Variants in FHIT observed in about 807,000 individuals in gnomAD.
FHIT encodes bis(5'-adenosyl)-triphosphatase.
In FHIT, 19 loss-of-function variants were observed where a neutral mutation model predicts 17.9. The ratio of observed to expected loss-of-function variants is 1.06; its 90% confidence interval spans 0.74 to 1.56. The LOEUF (loss-of-function observed/expected upper bound fraction) is 1.56. Among genes scored for constraint, FHIT ranks in the 40% most tolerant of loss-of-function variants. The pLI, the probability that FHIT is intolerant of heterozygous loss-of-function variation, is 0.00. For missense variants in FHIT, 248 were observed against 189.2 expected (o/e 1.31, Z -1.82); for synonymous variants, 81 against 69.7 (o/e 1.16, Z -0.81).
Position 59,826,852 on chromosome 3 carries a change from A to G in FHIT, c.349-74531T>C, listed in dbSNP as rs117079107. On this transcript the variant is annotated intron_variant, in intron 8 of 9. Coordinates refer to ENST00000492590, the MANE Select transcript of FHIT (RefSeq NM_002012.4). The stretch of plus-strand genomic sequence containing the variant: ...TGATAATTACTGCAAGTCTTAGAAT[A>G]AAACCATTTTTTTACACTGTGTTTC... Among the ~76,000 whole-genome samples the G allele has an allele frequency of 2.4e-4, 37 of 152,364 alleles. No homozygotes were observed. The East Asian group carries it at 6.0e-3, about 25-fold the overall frequency.
intron 1 of FHIT, among the ~76,000 whole-genome samples, chr3:61,217,639 A>T (rs931210338): frequency 6.6e-6 from 1 of 152,192 alleles, no homozygotes. Context: ...GCCCTCAATG[A>T]GGGAGTGTCT....
At chr3:60,398,773 G>T (rs967522724) in intron 5 of FHIT, among the ~76,000 whole-genome samples, 1 of 152,174 alleles carries the variant, frequency 6.6e-6, no homozygotes, top group East Asian at 1.9e-4. Context: ...GAATCTATTT[G>T]ATTTCATAGG....
At chr3:60,196,118 A>G (rs372030701) in intron 5 of FHIT, among the ~76,000 whole-genome samples, 38 of 152,198 alleles carry the variant, frequency 2.5e-4, no homozygotes, top group African/African-American at 8.9e-4. Context: ...TGCCGCTGTC[A>G]CAAATTACCA....
In FHIT at chr3:59,887,293, T is replaced by C. The variant is rs149353531; in HGVS notation, c.348+35053A>G. ...TTTCCCATGGCCCATCTCTGTTCGC[T>C]GGAGTCTGAGCACCATCTTTGGGCC... On this transcript the variant is annotated intron_variant, in intron 8 of 9. Transcript: ENST00000492590. 2.0e-4 allele frequency among the ~76,000 whole-genome samples: 30 copies of C among 152,310 alleles called. 1 individual carries two copies. The highest frequency in any genetic ancestry group is 1.5e-3 in the Admixed American group (23 of 15,304).
chr3:60,614,170 G>C (rs561241261), intron 4 of FHIT, among the ~76,000 whole-genome samples: 2 of 152,114 alleles, frequency 1.3e-5, no homozygotes, highest in African/African-American at 4.8e-5. Context: ...AAACCAAAGT[G>C]ATGAACTATG....
chr3:60,602,495 C>CATG (rs1444734408), intron 4 of FHIT, among the ~76,000 whole-genome samples: 1 of 147,458 alleles, frequency 6.8e-6, no homozygotes, highest in African/African-American at 2.5e-5. Flanking sequence ...ATATAACCTT[C>CATG]ATGAAACCTT....
At chr3:60,923,819 G>C (rs1400219420) in intron 3 of FHIT, among the ~76,000 whole-genome samples, 1 of 152,192 alleles carries the variant, frequency 6.6e-6, no homozygotes, top group Admixed American at 6.5e-5. Flanking sequence ...TCAAAGAAAG[G>C]GGTGACAGAC....
intron 4 of FHIT, among the ~76,000 whole-genome samples, chr3:60,567,360 A>G (rs1277065907): frequency 6.6e-6 from 1 of 152,196 alleles, no homozygotes; most frequent in Non-Finnish European, 1.5e-5. Flanking sequence ...CGGGGAAAGG[A>G]TTCTCTATTT....
chr3:60,292,300 A>C (rs1708021422), intron 5 of FHIT, among the ~76,000 whole-genome samples: 1 of 152,182 alleles, frequency 6.6e-6, no homozygotes, highest in African/African-American at 2.4e-5. Flanking sequence ...AAATAGTTGA[A>C]TATAAACCAA....
chr3:60,821,684 T>G (rs1553739392), intron 4 of FHIT, among the ~76,000 whole-genome samples: 1 of 152,116 alleles, frequency 6.6e-6, no homozygotes, highest in Non-Finnish European at 1.5e-5. Context: ...GAAAGTGAAG[T>G]CATCATTCTT....
intron 5 of FHIT, among the ~76,000 whole-genome samples, chr3:60,151,450 T>C (rs539108564): frequency 9.8e-5 from 15 of 152,318 alleles, no homozygotes; most frequent in African/African-American, 3.4e-4. Flanking sequence ...CCATGCAATG[T>C]ATTCTTCAAA....
chr3:61,077,029 G>A (rs1421026827), intron 2 of FHIT, among the ~76,000 whole-genome samples: 2 of 152,094 alleles, frequency 1.3e-5, no homozygotes, highest in African/African-American at 4.8e-5. Flanking sequence ...GAGGCTAAAT[G>A]TGTTTATTAT....
intron 5 of FHIT, among the ~76,000 whole-genome samples, chr3:60,149,948 A>AC (rs1221347470): frequency 7.1e-6 from 1 of 140,724 alleles, no homozygotes; most frequent in African/African-American, 2.6e-5. Context: ...CCATCCTGCC[A>AC]CCACTGGTTA....
At chr3:60,727,178 C>T (rs1577123968) in intron 4 of FHIT, among the ~76,000 whole-genome samples, 1 of 152,094 alleles carries the variant, frequency 6.6e-6, no homozygotes, top group East Asian at 1.9e-4. Flanking sequence ...TTGCCCACTT[C>T]TACCCATACC....
rs551462118 is a variant in FHIT, at chr3:60,796,587, T to C, written c.-18+25332A>G. On this transcript the variant is annotated intron_variant, in intron 4 of 9. Coordinates refer to ENST00000492590, the MANE Select transcript of FHIT (RefSeq NM_002012.4). The stretch of plus-strand genomic sequence containing the variant: ...TTGTTTATCAAAGAGGGTTGTTGTT[T>C]GTTTGTTTGTTTTGAGATGGAGTCT... Among the ~76,000 whole-genome samples the C allele has an allele frequency of 8.5e-5, 13 of 152,278 alleles. No homozygotes were observed. The South Asian group carries it at 2.7e-3, about 32-fold the overall frequency.
chr3:61,114,727 G>C (rs2036252238), intron 2 of FHIT, among the ~76,000 whole-genome samples: 1 of 152,054 alleles, frequency 6.6e-6, no homozygotes, highest in Admixed American at 6.6e-5. Flanking sequence ...TTTTTTACGT[G>C]TTCCCATCCC....
At chr3:60,958,756 G>A (rs1553779662) in intron 3 of FHIT, among the ~76,000 whole-genome samples, 1 of 152,230 alleles carries the variant, frequency 6.6e-6, no homozygotes, top group East Asian at 1.9e-4. Context: ...CCTAAGTTAT[G>A]ACAGATTAAC....
chr3:59,847,244 G>A (rs576462261), intron 8 of FHIT, among the ~76,000 whole-genome samples: 1 of 152,124 alleles, frequency 6.6e-6, no homozygotes, highest in East Asian at 1.9e-4. Context: ...GTGTACCACA[G>A]GTCCCTTAGG....
intron 5 of FHIT, among the ~76,000 whole-genome samples, chr3:60,158,948 G>T (rs1404405641): frequency 6.6e-6 from 1 of 152,040 alleles, no homozygotes; most frequent in Non-Finnish European, 1.5e-5. Context: ...AATGAGCAAA[G>T]AACCCAACTT....
Sources: gnomAD v4.1 joint callset for allele counts (sites outside exome capture counted in the v4.1 genomes callset) on GRCh38, gnomAD v4.1.1 for gene constraint, MANE v1.5 for transcripts, NCBI Gene and HGNC (gene_info 2026-07-23, HGNC 2026-07-21) for gene names.